The following CPAMD8 variants were observed in gnomAD, a reference collection of about 807,000 sequenced individuals.
The protein encoded by CPAMD8 is C3 and PZP like alpha-2-macroglobulin domain containing 8.
A neutral mutation model predicts 224.7 loss-of-function variants in CPAMD8; 146 were observed. The observed-to-expected ratio is 0.65, with a 90% CI of 0.57 to 0.75. The LOEUF is 0.75. Ranked by LOEUF, CPAMD8 falls within the 30% of genes least tolerant of loss-of-function variation. The pLI, the probability that CPAMD8 is intolerant of heterozygous loss-of-function variation, is 0.00. For missense variants in CPAMD8, 2,301 were observed against 2,537.5 expected (o/e 0.91, Z 2.00); for synonymous variants, 966 against 1,044.6 (o/e 0.92, Z 1.45).
chr19:17,004,015 C>CCTGCCTCAGCCTCCCAAGTA (rs2056412497), intron 8 of CPAMD8, among the ~76,000 whole-genome samples: 10 of 151,866 alleles, frequency 6.6e-5, no homozygotes, highest in Admixed American at 6.6e-4. Flanking sequence ...AAGTGATACT[C>CCTGCCTCAGCCTCCCAAGTA]CTGCCTCAGC....
rs1404827331 is a variant in CPAMD8 at position 16,899,920 on chromosome 19, T to C, written c.4774-371A>G. On this transcript the variant is annotated intron_variant, in intron 36 of 41. Transcript: ENST00000443236. This position sits in a 1 kb window ranked among gnomAD's most constrained non-coding sequence, Gnocchi z 5.4. Reference sequence around the variant, plus strand: ...GGGATTTTTTTTTTTTTTTCAGTTTTTGATTTAAAAAAATCCACACCCACT... The same window carrying C: ...GGGATTTTTTTTTTTTTTTCAGTTTCTGATTTAAAAAAATCCACACCCACT... 6.6e-6 allele frequency among the ~76,000 whole-genome samples: 1 copy of C among 151,754 alleles called. No individual in the cohort carries two copies. Among genetic ancestry groups the C allele is most frequent in the Non-Finnish European group, 1.5e-5 (1 of 67,934 alleles).
intron 8 of CPAMD8, among the ~76,000 whole-genome samples, chr19:17,003,101 C>G (rs1362703954): frequency 6.6e-6 from 1 of 151,818 alleles, no homozygotes; most frequent in East Asian, 1.9e-4. Context: ...TGGGGTTTCA[C>G]CATGTTGGCC....
At chr19:16,982,790 G>A (rs796799726) in intron 13 of CPAMD8, among the ~76,000 whole-genome samples, 11 of 152,282 alleles carry the variant, frequency 7.2e-5, no homozygotes, top group African/African-American at 2.6e-4. Flanking sequence ...AGTAAGCCAT[G>A]ACTGTGCCAC....
In CPAMD8 at chr19:16,980,611, G is replaced by T. The variant is rs377224281; in HGVS notation, c.1471C>A (p.Arg491=). Residue 491 remains arginine, a synonymous_variant, in exon 14 of 42, where the codon CGG becomes AGG. Coordinates refer to ENST00000443236, the MANE Select transcript of CPAMD8 (RefSeq NM_015692.5). The stretch of plus-strand genomic sequence containing the variant: ...TGGCCCGATAGCACAATATTGCCCC[G>T]TGCAGCCACCTCGTAGTACAGGGTA... ...NFTLYYEVAA[R]GNIVLSGQQP... is the part of the protein sequence containing the mutation. The T allele has an allele frequency of 1.2e-6, 2 of 1,608,868 alleles. No homozygotes were observed. Among genetic ancestry groups the T allele is most frequent in the Admixed American group, 1.7e-5 (1 of 58,742 alleles).
chr19:17,021,256 C>A (rs1463271141), intron 2 of CPAMD8, among the ~76,000 whole-genome samples: 2 of 152,122 alleles, frequency 1.3e-5, no homozygotes, highest in African/African-American at 4.8e-5. Flanking sequence ...TATGAGAGAC[C>A]ACAAACTGTT....
Position 16,921,967 on chromosome 19 carries a change from G to A in CPAMD8, c.3567C>T (p.Thr1189=). 1.9e-6 allele frequency: 3 copies of A among 1,548,242 alleles called. No individual in the cohort carries two copies. Among genetic ancestry groups the A allele is most frequent in the Non-Finnish European group, 2.6e-6 (3 of 1,146,698 alleles). The part of the protein sequence containing the change: ...YLVQGYQRQL[T]YKRQDGSYSA... ...TGTAGGAGCCATCCTGGCGCTTGTA[G>A]GTCAGCTGGCGCTGGTAGCCTGTGG... The change falls in exon 27 of 42, where the codon ACC becomes ACT. Residue 1189 remains threonine, a synonymous_variant. Coordinates refer to ENST00000443236, the MANE Select transcript of CPAMD8 (RefSeq NM_015692.5).
intron 3 of CPAMD8, among the ~76,000 whole-genome samples, chr19:17,018,685 C>G (rs1036684549): frequency 2.7e-5 from 4 of 150,784 alleles, no homozygotes; most frequent in Non-Finnish European, 5.9e-5. Flanking sequence ...ACCAGTCTGG[C>G]CAACATGGTA....
chr19:16,973,114 A>C (rs1344752697), intron 17 of CPAMD8, among the ~76,000 whole-genome samples: 1 of 152,098 alleles, frequency 6.6e-6, no homozygotes, highest in Non-Finnish European at 1.5e-5. Flanking sequence ...GACTGAAGTG[A>C]GCTGAGATCA....
rs56408444 is a variant in CPAMD8, at chr19:16,907,068, G to A, written c.3911C>T (p.Ala1304Val). The stretch of plus-strand genomic sequence containing the variant: ...GCTATAAGGGTCCATGGCCAGGGGC[G>A]CAGCAGACTCCAGGAAGTGCCTCGC... ...DKARHFLESA[A>V]PLAMDPYSCA... The change falls in exon 30 of 42, where the codon GCG becomes GTG. Residue 1304 changes from alanine (A) to valine (V), a missense_variant. This residue lies in a region of CPAMD8 where 1,709 missense variants were observed against 1,753.2 expected (regional missense o/e 0.97). Coordinates refer to ENST00000443236, the MANE Select transcript of CPAMD8 (RefSeq NM_015692.5). 321,417 of 1,596,944 alleles carry A rather than the reference G, an allele frequency of 0.2. 34,412 individuals carry two copies. The highest frequency in any genetic ancestry group is 0.34 in the Admixed American group (19,523 of 57,402).
rs769259127 is a variant in CPAMD8, at chr19:16,970,899, G to A, written c.2205C>T (p.His735=). The A allele has an allele frequency of 2.3e-5, 37 of 1,613,484 alleles. No homozygotes were observed. Among genetic ancestry groups the A allele is most frequent in the Middle Eastern group, 1.6e-4 (1 of 6,078 alleles). Residue 735 remains histidine (H), a synonymous_variant, in exon 18 of 42, where the codon CAC becomes CAT. Transcript: ENST00000443236. Reference sequence around the variant, plus strand: ...AATGTATAAGCCGTTACCTGGGGGGGTGCCTGGAAGGAGCCACTGCCACCA... The same window carrying A: ...AATGTATAAGCCGTTACCTGGGGGGATGCCTGGAAGGAGCCACTGCCACCA... ...GSLVAVAPSR[H]PPRTEKRKRT... is the part of the protein sequence containing the mutation.
intron 8 of CPAMD8, among the ~76,000 whole-genome samples, chr19:17,002,739 G>A (rs538600064): frequency 2.0e-5 from 3 of 151,996 alleles, no homozygotes; most frequent in Non-Finnish European, 1.5e-5. Context: ...ACAGAGAGCT[G>A]ATTTCTCCAT....
At chr19:17,026,443 C>T in intron 1 of CPAMD8, 108 bp downstream of exon 1, 2 of 1,212,668 alleles carry the variant, frequency 1.6e-6, no homozygotes, top group Non-Finnish European at 2.2e-6. Context: ...TCCAGCCCAG[C>T]GCGGAGGCTG....
intron 20 of CPAMD8, among the ~76,000 whole-genome samples, chr19:16,950,169 G>T (rs1215123874): frequency 1.3e-5 from 2 of 151,488 alleles, no homozygotes; most frequent in Non-Finnish European, 2.9e-5. Context: ...GTGGTGGCGG[G>T]CGCCTGTAAT....
At chr19:16,906,925 C>T in intron 30 of CPAMD8, 27 bp downstream of exon 30, 1 of 1,564,694 alleles carries the variant, frequency 6.4e-7, no homozygotes, top group Non-Finnish European at 8.7e-7. Context: ...GACGCTGTGG[C>T]CTCTGGGGAG....
In CPAMD8 at chr19:16,997,167, G is replaced by A. The variant is rs140481939; in HGVS notation, c.1039C>T (p.Arg347Trp). The A allele has an allele frequency of 2.9e-5, 46 of 1,603,150 alleles. No homozygotes were observed. The highest frequency in any genetic ancestry group is 2.2e-4 in the Admixed American group (13 of 59,962). The change falls in exon 11 of 42, where the codon CGG becomes TGG. Residue 347 changes from arginine to tryptophan, a missense_variant. Transcript: ENST00000443236. ...TGCTTCCTCGTGTCCTTGGAGTACC[G>A]GATGTCCACCAGCTGCCTCTGCACG... ...TPVQRQLVDI[R>W]YSKDTRKQFK...
At chr19:16,977,648 G>C (rs12975235) in intron 14 of CPAMD8, 108 bp from the exon 15 acceptor site, 348 of 736,764 alleles carry the variant, frequency 4.7e-4, no homozygotes, top group Non-Finnish European at 4.7e-4. Flanking sequence ...TCCTGTCTAC[G>C]CATTGAGACA....
In CPAMD8 at chr19:16,914,578, G is replaced by T. The variant is rs529118628; in HGVS notation, c.3786+79C>A. ...CCCACTTCCCCCAGGCAGCTCCAGG[G>T]AGTAGGAACAGGCAGGTCAGGGCTG... On this transcript the variant is annotated intron_variant, in intron 28 of 41. Coordinates refer to ENST00000443236, the MANE Select transcript of CPAMD8 (RefSeq NM_015692.5). The T allele has an allele frequency of 8.1e-6, 13 of 1,610,978 alleles. No homozygotes were observed. The South Asian group carries it at 1.3e-4, about 16-fold the overall frequency.
chr19:16,938,145 TATTCCCTGTGTATTC>T (rs2053759359), intron 23 of CPAMD8, among the ~76,000 whole-genome samples: 1 of 152,182 alleles, frequency 6.6e-6, no homozygotes, highest in Admixed American at 6.5e-5. Context: ...ATTCCCTGCG[TATTCCCTGTGTATTC>T]ATTCCCTGAG....
At chr19:17,005,815 TG>T (rs2056476193) in intron 7 of CPAMD8, among the ~76,000 whole-genome samples, 1 of 152,030 alleles carries the variant, frequency 6.6e-6, no homozygotes, top group South Asian at 2.1e-4. Flanking sequence ...TCAGGCAAAG[TG>T]GGCCTTTGAT....
Sources: gnomAD v4.1 joint callset for allele counts (sites outside exome capture counted in the v4.1 genomes callset) on GRCh38, gnomAD v4.1.1 for gene constraint, gnomAD v4.1.1 regional missense constraint, Gnocchi (gnomAD v3.1) non-coding constraint, MANE v1.5 for transcripts, NCBI Gene and HGNC (gene_info 2026-07-23, HGNC 2026-07-21) for gene names.